Variants in CNTN1 observed in about 807,000 individuals in gnomAD.
CNTN1 encodes the protein contactin-1.
Under a neutral mutation model 126.4 loss-of-function variants are expected in CNTN1, and 38 were observed. The ratio of observed to expected loss-of-function variants is 0.30; its 90% confidence interval spans 0.23 to 0.39. The LOEUF (loss-of-function observed/expected upper bound fraction) is 0.39. Ranked by LOEUF, CNTN1 falls within the 10% of genes least tolerant of loss-of-function variation. CNTN1 has a pLI of 1.00. For missense variants in CNTN1, 1,009 were observed against 1,248.4 expected (o/e 0.81, Z 2.89); for synonymous variants, 413 against 422.6 (o/e 0.98, Z 0.28).
chr12:41,064,140 C>T (rs571814471), intron 23 of CNTN1, among the ~76,000 whole-genome samples: 11 of 147,966 alleles, frequency 7.4e-5, no homozygotes, highest in Admixed American at 6.8e-5. Flanking sequence ...CGCCACTGCA[C>T]TGCAGCCTGG....
At chr12:41,003,404 T>C (rs1014360489) in intron 17 of CNTN1, among the ~76,000 whole-genome samples, 4 of 151,928 alleles carry the variant, frequency 2.6e-5, no homozygotes, top group African/African-American at 9.7e-5. Context: ...GGCCTGAAGG[T>C]TTCTTTTTTG....
At chr12:40,984,421 C>T (rs1947902666) in intron 16 of CNTN1, among the ~76,000 whole-genome samples, 1 of 152,148 alleles carries the variant, frequency 6.6e-6, no homozygotes, top group South Asian at 2.1e-4. Flanking sequence ...ATAGTGCCAG[C>T]ATCTGCTCCT....
At chr12:40,732,215 G>A (rs183099452) in intron 1 of CNTN1, among the ~76,000 whole-genome samples, 52 of 152,092 alleles carry the variant, frequency 3.4e-4, no homozygotes, top group African/African-American at 1.2e-3. Flanking sequence ...TATTCAGTAT[G>A]TATAGTATCT....
intron 23 of CNTN1, among the ~76,000 whole-genome samples, chr12:41,053,981 C>A (rs1440943865): frequency 6.6e-6 from 1 of 151,550 alleles, no homozygotes; most frequent in Admixed American, 6.6e-5. Context: ...AAACACTAAT[C>A]AATATTCTAT....
chr12:40,972,721 C>A, intron 15 of CNTN1: 1 of 908,444 alleles, frequency 1.1e-6, no homozygotes, highest in Non-Finnish European at 1.3e-6. Context: ...AGATTAATTG[C>A]CATTTTTGTA....
At position 40,990,300 on chromosome 12, in the gene CNTN1, T is replaced by C. The variant is rs558754039; in HGVS notation, c.1964-2820T>C. Among the ~76,000 whole-genome samples, 3 of 152,246 alleles carry C rather than the reference T, an allele frequency of 2.0e-5. No homozygotes were observed. In the South Asian group the frequency reaches 6.2e-4, roughly 32 times the overall value. ...ACTATTTTTAAATATTTACAGCAAATTCCTTCCTTAATAATTCAGAATGTC... is the reference window on the plus strand; with the variant it reads ...ACTATTTTTAAATATTTACAGCAAACTCCTTCCTTAATAATTCAGAATGTC... On this transcript the variant is annotated intron_variant, in intron 16 of 23. Transcript: ENST00000551295.
intron 7 of CNTN1, 47 bp downstream of exon 7, chr12:40,930,049 T>C (rs775185622): frequency 7.5e-7 from 1 of 1,326,872 alleles, no homozygotes; most frequent in Non-Finnish European, 1.1e-6. Flanking sequence ...GTTATCTACA[T>C]ATGGTATACT....
intron 23 of CNTN1, among the ~76,000 whole-genome samples, chr12:41,051,543 A>G (rs1258017980): frequency 3.9e-5 from 6 of 152,028 alleles, no homozygotes; most frequent in African/African-American, 1.4e-4. Flanking sequence ...AATAAAGTAG[A>G]GAAACAAAAC....
intron 1 of CNTN1, among the ~76,000 whole-genome samples, chr12:40,903,763 A>G (rs1333358571): frequency 6.6e-6 from 1 of 152,218 alleles, no homozygotes; most frequent in Non-Finnish European, 1.5e-5. Flanking sequence ...AACATTTTGA[A>G]GTGAAGGAAA....
At chr12:40,698,492 TC>T (rs1252349544) in intron 1 of CNTN1, among the ~76,000 whole-genome samples, 3 of 152,034 alleles carry the variant, frequency 2.0e-5, no homozygotes, top group Non-Finnish European at 4.4e-5. Context: ...CGCCTCGGCC[TC>T]CCAAAGTGCT....
At chr12:40,976,586 A>G (rs1032796768) in intron 15 of CNTN1, among the ~76,000 whole-genome samples, 1 of 151,972 alleles carries the variant, frequency 6.6e-6, no homozygotes, top group Non-Finnish European at 1.5e-5. Context: ...AGAATTATGT[A>G]TGGTTGGGTT....
chr12:40,794,571 A>G (rs1940340648), intron 1 of CNTN1, among the ~76,000 whole-genome samples: 3 of 152,042 alleles, frequency 2.0e-5, no homozygotes, highest in Admixed American at 6.6e-5. Context: ...TAAATATCCT[A>G]TTTATTAAAC....
intron 1 of CNTN1, among the ~76,000 whole-genome samples, chr12:40,820,693 T>C (rs1029299578): frequency 6.6e-6 from 1 of 152,116 alleles, no homozygotes; most frequent in Non-Finnish European, 1.5e-5. Flanking sequence ...TGGCTCTTGG[T>C]GACCTCAGTG....
chr12:40,730,144 C>T (rs1942456655), intron 1 of CNTN1, among the ~76,000 whole-genome samples: 1 of 152,178 alleles, frequency 6.6e-6, no homozygotes, highest in African/African-American at 2.4e-5. Context: ...TCTTTCTACA[C>T]ACCCATTTTC....
At chr12:40,787,490 G>C (rs1214630699) in intron 1 of CNTN1, among the ~76,000 whole-genome samples, 1 of 152,066 alleles carries the variant, frequency 6.6e-6, no homozygotes, top group Non-Finnish European at 1.5e-5. Flanking sequence ...ATAACTTCTA[G>C]TTCCTCATCA....
chr12:41,002,511 G>A (rs1486592448), intron 17 of CNTN1, among the ~76,000 whole-genome samples: 1 of 147,750 alleles, frequency 6.8e-6, no homozygotes, highest in African/African-American at 2.5e-5. Context: ...TGCTGAAGTT[G>A]TTTATCAGCT....
chr12:40,983,493 G>T (rs184232520), intron 16 of CNTN1, among the ~76,000 whole-genome samples: 13 of 151,250 alleles, frequency 8.6e-5, no homozygotes, highest in African/African-American at 3.2e-4. Flanking sequence ...GTGTGTGTGT[G>T]AGTGTATGTG....
chr12:40,912,200 C>CT (rs1287934437), intron 3 of CNTN1, among the ~76,000 whole-genome samples: 3 of 143,428 alleles, frequency 2.1e-5, no homozygotes, highest in African/African-American at 8.0e-5. Flanking sequence ...CACTCAATGT[C>CT]TTTAAGAATA....
chr12:40,942,720 C>A (rs1436650113), intron 12 of CNTN1, among the ~76,000 whole-genome samples: 5 of 152,090 alleles, frequency 3.3e-5, no homozygotes, highest in African/African-American at 4.8e-5. Context: ...TACTTCATTT[C>A]TCCTTCAACA....
Sources: gnomAD v4.1 joint callset for allele counts (sites outside exome capture counted in the v4.1 genomes callset) on GRCh38, gnomAD v4.1.1 for gene constraint, MANE v1.5 for transcripts, NCBI Gene and HGNC (gene_info 2026-07-23, HGNC 2026-07-21) for gene names.